Variants in GPR89A observed in about 807,000 individuals in gnomAD.
GPR89A encodes the protein golgi pH regulator A.
Under a neutral mutation model 52.0 loss-of-function variants are expected in GPR89A, and 16 were observed. The ratio of observed to expected loss-of-function variants is 0.31; its 90% CI spans 0.21 to 0.47. GPR89A has a LOEUF of 0.47. Among genes scored for constraint, GPR89A ranks in the 20% least tolerant of loss-of-function variants. The pLI is 1.00. For missense variants in GPR89A, 135 were observed against 449.4 expected (o/e 0.30, Z 6.33); for synonymous variants, 55 against 150.9 (o/e 0.36, Z 4.66).
rs1395466228 is a variant in GPR89A, at chr1:145,620,110, A to AT, written c.206+1688dup. On this transcript the variant is annotated intron_variant, in intron 3 of 13. Coordinates refer to ENST00000313835, the MANE Select transcript of GPR89A (RefSeq NM_001097612.2). ...AGAGAATAGACAGGTATTATTTTAC[A>AT]TAATGGTTATTAAATTTTATTATCA... 3.9e-5 allele frequency among the ~76,000 whole-genome samples: 6 copies of AT among 152,292 alleles called. No individual in the cohort carries two copies. In the East Asian group the frequency reaches 1.2e-3, roughly 29 times the overall value.
chr1:145,616,190 C>T (rs1553686948), intron 1 of GPR89A, 44 bp from the exon 2 acceptor site: 1 of 1,482,970 alleles, frequency 6.7e-7, no homozygotes. Context: ...AAACATTTCT[C>T]AAAAGAAAAT....
chr1:145,617,581 T>C (rs1182608452), intron 2 of GPR89A, among the ~76,000 whole-genome samples: 3 of 152,136 alleles, frequency 2.0e-5, no homozygotes, highest in African/African-American at 4.8e-5. Context: ...TGTTCAGAGA[T>C]TGCAGTAAAG....
chr1:145,627,358 C>G (rs1649582496), intron 5 of GPR89A, among the ~76,000 whole-genome samples: 1 of 152,186 alleles, frequency 6.6e-6, no homozygotes, highest in African/African-American at 2.4e-5. Context: ...ATATTAATCT[C>G]TTGGATTTTT....
rs782172827 is a variant in GPR89A, at chr1:145,647,879, C to CTATA, written c.909+641_909+644dup. ...TCTCTCTCTCTCTCTCTCTCTCTCT[C>CTATA]TATATATATATATATATATATATAT... On this transcript the variant is annotated intron_variant, in intron 10 of 13. Coordinates refer to ENST00000313835, the MANE Select transcript of GPR89A (RefSeq NM_001097612.2). Among the ~76,000 whole-genome samples the CTATA allele has an allele frequency of 3.8e-3, 93 of 24,652 alleles. 4 individuals carry two copies. Among genetic ancestry groups the CTATA allele is most frequent in the African/African-American group, 8.2e-3 (38 of 4,630 alleles). The allele number at this position is 24,652 out of a possible 152,430, so 16.2% of individuals were successfully genotyped here.
chr1:145,610,003 C>T (rs1553685832), intron 1 of GPR89A, among the ~76,000 whole-genome samples: 1 of 152,100 alleles, frequency 6.6e-6, no homozygotes, highest in African/African-American at 2.4e-5. Context: ...TTCTTCTTGG[C>T]ATTTATTACT....
At chr1:145,666,509 G>GA (rs1204180640) in intron 12 of GPR89A, among the ~76,000 whole-genome samples, 1 of 151,772 alleles carries the variant, frequency 6.6e-6, no homozygotes, top group Non-Finnish European at 1.5e-5. Context: ...CAGTTTCCAA[G>GA]ATCCTATAAA....
At chr1:145,639,746 C>CAAAAA (rs71584625) in intron 7 of GPR89A, among the ~76,000 whole-genome samples, 2 of 131,240 alleles carry the variant, frequency 1.5e-5, no homozygotes, top group Non-Finnish European at 3.2e-5. Flanking sequence ...AACTCTGTCT[C>CAAAAA]AAAAAAAAAA....
chr1:145,669,481 T>C, intron 12 of GPR89A, 144 bp from the exon 13 acceptor site: 1 of 671,740 alleles, frequency 1.5e-6, no homozygotes, highest in South Asian at 1.8e-5. Context: ...GTCTCTTCTT[T>C]ATAGTCTTAA....
intron 10 of GPR89A, among the ~76,000 whole-genome samples, chr1:145,650,710 T>A (rs1259680320): frequency 1.3e-5 from 2 of 151,722 alleles, no homozygotes; most frequent in Admixed American, 1.3e-4. Flanking sequence ...TCATTGTGGT[T>A]TTGATTTGCA....
intron 10 of GPR89A, among the ~76,000 whole-genome samples, chr1:145,659,984 C>T: frequency 1.3e-5 from 2 of 151,818 alleles, no homozygotes; most frequent in Middle Eastern, 6.8e-3. Flanking sequence ...AGAGGTCCTT[C>T]ACATCCCTTG....
chr1:145,631,853 A>G (rs1310489899), intron 7 of GPR89A, 109 bp downstream of exon 7: 1 of 39,852 alleles, frequency 2.5e-5, no homozygotes, highest in African/African-American at 1.0e-4. Context: ...TTTTTACTAT[A>G]AGGTAAAGTA....
At chr1:145,642,537 T>C (rs1650721829) in intron 7 of GPR89A, among the ~76,000 whole-genome samples, 1 of 152,190 alleles carries the variant, frequency 6.6e-6, no homozygotes, top group African/African-American at 2.4e-5. Flanking sequence ...TAAGTCAACA[T>C]GGCTGACATT....
chr1:145,625,149 A>G (rs1649405131), intron 5 of GPR89A, among the ~76,000 whole-genome samples: 1 of 151,988 alleles, frequency 6.6e-6, no homozygotes, highest in African/African-American at 2.4e-5. Context: ...ATGCAATACC[A>G]TAAATAGTTG....
intron 3 of GPR89A, among the ~76,000 whole-genome samples, chr1:145,618,965 G>GT (rs1648914913): frequency 6.6e-6 from 1 of 152,006 alleles, no homozygotes; most frequent in East Asian, 1.9e-4. Flanking sequence ...AGACTTGTTA[G>GT]TTTATTAGAC....
Position 145,619,315 on chromosome 1 carries a change from AAG to A in GPR89A, c.206+894_206+895del, listed in dbSNP as rs1267803867. On this transcript the variant is annotated intron_variant, in intron 3 of 13. Coordinates refer to ENST00000313835, the MANE Select transcript of GPR89A (RefSeq NM_001097612.2). ...AACATTGAAAGGTTAAAAAAAAAAA[AAG>A]AAGAGAGAGGGGCCAGACATAGTGG... 3.0e-3 allele frequency among the ~76,000 whole-genome samples: 30 copies of A among 10,010 alleles called. No individual in the cohort carries two copies. The Non-Finnish European group carries it at 0.14, about 46-fold the overall frequency. 6.6% of individuals were successfully genotyped at this position (10,010 alleles called of 152,430 possible).
chr1:145,627,067 A>G (rs1649562965), intron 5 of GPR89A, among the ~76,000 whole-genome samples: 3 of 151,900 alleles, frequency 2.0e-5, no homozygotes, highest in Admixed American at 2.0e-4. Context: ...GGGAAAGAGT[A>G]AGAGAGATTA....
chr1:145,624,637 G>A (rs1553688730), intron 5 of GPR89A, among the ~76,000 whole-genome samples: 3 of 147,330 alleles, frequency 2.0e-5, no homozygotes, highest in Non-Finnish European at 4.5e-5. Flanking sequence ...ACAGTATCAG[G>A]CAATTTATAG....
chr1:145,614,561 A>G (rs1232566062), intron 1 of GPR89A, among the ~76,000 whole-genome samples: 1 of 151,910 alleles, frequency 6.6e-6, no homozygotes, highest in African/African-American at 2.4e-5. Context: ...AGAGCCTGCT[A>G]CGTACCAGGC....
intron 10 of GPR89A, among the ~76,000 whole-genome samples, chr1:145,659,136 G>C (rs1326476154): frequency 1.3e-5 from 2 of 151,898 alleles, no homozygotes; most frequent in East Asian, 3.9e-4. Context: ...ATATCTAGGG[G>C]TAGAATTGCC....
Sources: gnomAD v4.1 joint callset for allele counts (sites outside exome capture counted in the v4.1 genomes callset) on GRCh38, gnomAD v4.1.1 for gene constraint, MANE v1.5 for transcripts, NCBI Gene and HGNC (gene_info 2026-07-23, HGNC 2026-07-21) for gene names.